Variants in ZNF773 observed in about 807,000 individuals in gnomAD.
ZNF773 encodes the protein zinc finger protein 419B.
ZNF773 carries 11 observed loss-of-function variants against 12.8 expected under a neutral mutation model. The observed-to-expected ratio is 0.86, with a 90% confidence interval of 0.54 to 1.42. The LOEUF is 1.42. Among genes scored for constraint, ZNF773 ranks in the 40% most tolerant of loss-of-function variants. ZNF773 has a pLI of 0.00. For missense variants in ZNF773, 518 were observed against 527.2 expected, an observed-to-expected ratio of 0.98 and a Z score of 0.17; for synonymous variants, 175 against 178.4, an observed-to-expected ratio of 0.98 and a Z score of 0.15.
rs963276192 is a variant in ZNF773, at chr19:57,507,157, T to C, written c.1062T>C (p.Thr354=). 1.2e-6 allele frequency: 2 copies of C among 1,614,252 alleles called. No individual in the cohort carries two copies. Among genetic ancestry groups the C allele is most frequent in the South Asian group, 1.1e-5 (1 of 91,084 alleles). The part of the protein sequence containing the change: ...SSLINHWRVH[T]GERPYECSEC... ...TTATCAATCATTGGCGTGTTCACAC[T>C]GGAGAAAGGCCTTATGAGTGCAGTG... Residue 354 remains threonine (T), a synonymous_variant, in exon 4 of 4, where the codon ACT becomes ACC. Transcript: ENST00000282292.
chr19:57,509,309 T>C (rs1297417187), downstream of ZNF773, among the ~76,000 whole-genome samples: 1 of 152,252 alleles, frequency 6.6e-6, no homozygotes, highest in East Asian at 1.9e-4. Context: ...GAAATATTTG[T>C]AGGTTTAACT....
At chr19:57,512,092 A>C (rs1002565156), downstream of ZNF773, among the ~76,000 whole-genome samples, 4 of 152,228 alleles carry the variant, frequency 2.6e-5, no homozygotes, top group African/African-American at 9.6e-5. Context: ...TGGTGGTTTC[A>C]TGACAGTACA....
downstream of ZNF773, chr19:57,516,056 G>A (rs1352983106): frequency 6.5e-6 from 1 of 154,140 alleles, no homozygotes; most frequent in Non-Finnish European, 1.5e-5. Context: ...TTTTACAGGA[G>A]ATGGACAATC....
chr19:57,517,970 T>C (rs1052884389), downstream of ZNF773: 4 of 153,762 alleles, frequency 2.6e-5, no homozygotes, highest in Non-Finnish European at 4.4e-5. Flanking sequence ...TTCTGTTTTT[T>C]GTTCATAGTC....
rs2089751361 is a variant in ZNF773 at position 57,507,296 on chromosome 19, A to G, written c.1201A>G (p.Ser401Gly). ...TGGGAGATTCTTTAGTGAGAATTCCAGCCTTGTTAAACATCAGAGGGTTCA... is the reference window on the plus strand; with the variant it reads ...TGGGAGATTCTTTAGTGAGAATTCCGGCCTTGTTAAACATCAGAGGGTTCA... ...ECGRFFSENSSLVKHQRVHTG... is the reference protein window; with the variant it reads ...ECGRFFSENSGLVKHQRVHTG... The change falls in exon 4 of 4, where the codon AGC becomes GGC. Residue 401 changes from serine (S) to glycine (G), a missense_variant. By Grantham distance (56) the Ser-to-Gly change is moderately conservative (BLOSUM62 0). Transcript: ENST00000282292. 6.2e-7 allele frequency: 1 copy of G among 1,614,212 alleles called. No homozygotes were observed. Among genetic ancestry groups the G allele is most frequent in the Non-Finnish European group, 8.5e-7 (1 of 1,180,030 alleles).
At chr19:57,510,389 A>G (rs1275889677), downstream of ZNF773, among the ~76,000 whole-genome samples, 1 of 144,936 alleles carries the variant, frequency 6.9e-6, no homozygotes, top group Non-Finnish European at 1.6e-5. Context: ...TCCACCTGAT[A>G]CAGCACATCT....
chr19:57,517,876 G>T (rs1338399922), downstream of ZNF773: 1 of 152,206 alleles, frequency 6.6e-6, no homozygotes, highest in Non-Finnish European at 1.5e-5. Context: ...ATTCCAGCAA[G>T]GTTTAGGGAG....
chr19:57,507,666 A>G lies in ZNF773; in HGVS notation c.*242A>G. 7.6e-7 allele frequency: 1 copy of G among 1,316,316 alleles called. No individual in the cohort carries two copies. The highest frequency in any genetic ancestry group is 9.6e-7 in the Non-Finnish European group (1 of 1,039,292). The allele number at this position is 1,316,316 out of a possible 1,614,324, so 81.5% of individuals were successfully genotyped here. A position where few individuals can be genotyped will look rare whatever the true frequency, so the allele number is the denominator to read the frequency against. Reference sequence around the variant, plus strand: ...AAAGGCCTTAGACTGTCGCTGAATCAATATGACCTGACTTAAAGCAGAAAC... The same window carrying G: ...AAAGGCCTTAGACTGTCGCTGAATCGATATGACCTGACTTAAAGCAGAAAC... On this transcript the variant is annotated 3_prime_UTR_variant, in exon 4 of 4. Coordinates refer to ENST00000282292, the MANE Select transcript of ZNF773 (RefSeq NM_198542.3).
intron 3 of ZNF773, 61 bp from the exon 4 acceptor site, chr19:57,506,297 A>T: frequency 6.4e-7 from 1 of 1,552,392 alleles, no homozygotes; most frequent in Non-Finnish European, 8.7e-7. Context: ...GACACGTGTG[A>T]GAGTGCTGCC....
downstream of ZNF773, chr19:57,517,680 C>G (rs900434369): frequency 1.8e-4 from 28 of 152,198 alleles, no homozygotes; most frequent in Admixed American, 1.6e-3. Context: ...CATTTTAACC[C>G]TATTCATATT....
downstream of ZNF773, chr19:57,517,109 G>A (rs934252852): frequency 6.6e-6 from 1 of 152,172 alleles, no homozygotes; most frequent in African/African-American, 2.4e-5. Flanking sequence ...CAGTTTTAAT[G>A]TTACCTTTGT....
chr19:57,514,597 C>A (rs533138555), downstream of ZNF773: 22 of 152,320 alleles, frequency 1.4e-4, no homozygotes, highest in Admixed American at 9.2e-4. Flanking sequence ...ATACACAAAT[C>A]TGTAATAGTA....
At chr19:57,500,839 G>A (rs1289710617) in intron 1 of ZNF773, among the ~76,000 whole-genome samples, 3 of 152,120 alleles carry the variant, frequency 2.0e-5, no homozygotes, top group South Asian at 2.1e-4. Context: ...CCTGGGGCTC[G>A]TATTTAGGAG....
At chr19:57,513,365 G>A, downstream of ZNF773, 1 of 255,068 alleles carries the variant, frequency 3.9e-6, no homozygotes, top group Non-Finnish European at 7.4e-6. Context: ...CTCTTGATGT[G>A]GAAAACTGGG....
chr19:57,502,090 G>T (rs900674271), intron 1 of ZNF773, among the ~76,000 whole-genome samples: 1 of 152,102 alleles, frequency 6.6e-6, no homozygotes, highest in Non-Finnish European at 1.5e-5. Flanking sequence ...TTACAGGCAC[G>T]TGCCGTCACG....
At chr19:57,506,264 C>T (rs1245900555) in intron 3 of ZNF773, 94 bp from the exon 4 acceptor site, 10 of 1,531,430 alleles carry the variant, frequency 6.5e-6, no homozygotes, top group Non-Finnish European at 8.7e-6. Context: ...AGCAGTCCCA[C>T]ACGCTAATTA....
chr19:57,507,139 T>C lies in ZNF773; in HGVS notation c.1044T>C (p.Asn348=), dbSNP rs770978142. 7 of 1,613,058 alleles carry C rather than the reference T, an allele frequency of 4.3e-6. No homozygotes were observed. Among genetic ancestry groups the C allele is most frequent in the Middle Eastern group, 1.7e-4 (1 of 6,052 alleles). The change falls in exon 4 of 4, where the codon AAT becomes AAC. Residue 348 remains asparagine, a synonymous_variant. Transcript: ENST00000282292. ...KFYSHKSSLI[N]HWRVHTGERP... Reference sequence around the variant, plus strand: ...ATAGCCACAAGTCCAGCCTTATCAATCATTGGCGTGTTCACACTGGAGAAA... The same window carrying C: ...ATAGCCACAAGTCCAGCCTTATCAACCATTGGCGTGTTCACACTGGAGAAA...
At chr19:57,504,304 G>A (rs1261532583) in intron 1 of ZNF773, among the ~76,000 whole-genome samples, 2 of 152,224 alleles carry the variant, frequency 1.3e-5, no homozygotes, top group Non-Finnish European at 2.9e-5. Context: ...ACATTCTAAT[G>A]AGTGTAAACA....
At chr19:57,500,523 G>A (rs2089657787) in intron 1 of ZNF773, among the ~76,000 whole-genome samples, 1 of 151,820 alleles carries the variant, frequency 6.6e-6, no homozygotes, top group African/African-American at 2.4e-5. Flanking sequence ...AGACAGACCT[G>A]TGAGTAGGTA....
Sources: allele counts gnomAD v4.1 joint callset (sites outside exome capture counted in the v4.1 genomes callset), GRCh38; gene constraint gnomAD v4.1.1; transcripts MANE v1.5; gene names NCBI Gene and HGNC (gene_info 2026-07-23, HGNC 2026-07-21).